Variants in ABHD18 observed in about 807,000 individuals in gnomAD.
ABHD18 encodes cardiolipin-specific deacylase, mitochondrial.
Under a neutral mutation model 65.9 loss-of-function variants are expected in ABHD18, and 55 were observed. That is an observed-to-expected ratio of 0.84 (90% CI 0.67 to 1.05). The LOEUF is 1.05. Among genes scored for constraint, ABHD18 ranks in the 50% least tolerant of loss-of-function variants. The pLI is 0.00. For synonymous variants in ABHD18, 181 were observed against 180.2 expected (o/e 1.00, Z -0.04); for missense variants, 533 against 558.5 (o/e 0.95, Z 0.46).
chr4:128,030,778 T>A, intron 12 of ABHD18, 106 bp downstream of exon 12: 4 of 1,451,850 alleles, frequency 2.8e-6, no homozygotes, highest in Non-Finnish European at 3.6e-6. Context: ...TCTGTTTCAA[T>A]CTTTGAATTC....
At chr4:128,011,483 T>TG (rs1033581767) in intron 6 of ABHD18, among the ~76,000 whole-genome samples, 190 bp from the exon 7 acceptor site, 3 of 151,378 alleles carry the variant, frequency 2.0e-5, no homozygotes, top group Admixed American at 6.6e-5. Context: ...AAGCTGGTTT[T>TG]TTTTTTTTTT....
intron 6 of ABHD18, among the ~76,000 whole-genome samples, chr4:128,011,181 C>T (rs2149137491): frequency 6.7e-6 from 1 of 149,136 alleles, no homozygotes; most frequent in South Asian, 2.1e-4. Flanking sequence ...CGGACTCTCG[C>T]TGTCGCCCCA....
At chr4:128,013,595 G>A (rs545481713) in intron 7 of ABHD18, among the ~76,000 whole-genome samples, 1 of 152,068 alleles carries the variant, frequency 6.6e-6, no homozygotes, top group African/African-American at 2.4e-5. Context: ...CTACTCAGGA[G>A]GCTGAGGCAG....
In ABHD18 at chr4:128,017,455, A is replaced by T; in HGVS notation, c.563A>T (p.Glu188Val). 1.2e-6 allele frequency: 2 copies of T among 1,613,484 alleles called. No individual in the cohort carries two copies. Among genetic ancestry groups the T allele is most frequent in the Non-Finnish European group, 1.7e-6 (2 of 1,179,614 alleles). Residue 188 changes from glutamate (E) to valine (V), a missense_variant, in exon 8 of 13, where the codon GAA becomes GTA. Coordinates refer to ENST00000645843, the MANE Select transcript of ABHD18 (RefSeq NM_001358451.3). ...GCTCTCTTGCACTGGCTAGAGAGGG[A>T]AGGTTACGGCCCTTTAGGAATGACT... ...SAALLHWLEREGYGPLGMTGI... is the reference protein window; with the variant it reads ...SAALLHWLERVGYGPLGMTGI...
At chr4:127,974,097 T>A (rs1018853776) in intron 1 of ABHD18, among the ~76,000 whole-genome samples, 1 of 151,832 alleles carries the variant, frequency 6.6e-6, no homozygotes, top group African/African-American at 2.4e-5. Flanking sequence ...TTCTTCAAAT[T>A]ATATTCTTTA....
intron 1 of ABHD18, among the ~76,000 whole-genome samples, chr4:127,981,951 A>G (rs950613330): frequency 3.9e-5 from 6 of 152,208 alleles, no homozygotes; most frequent in Non-Finnish European, 7.3e-5. Flanking sequence ...TGGTTTTGCT[A>G]GTCCAACCAT....
At chr4:127,995,178 C>T (rs1296145902) in intron 4 of ABHD18, among the ~76,000 whole-genome samples, 1 of 152,218 alleles carries the variant, frequency 6.6e-6, no homozygotes, top group Non-Finnish European at 1.5e-5. Flanking sequence ...CTTGGCCCGG[C>T]CAGGCACTCA....
In ABHD18 at chr4:128,037,596, C is replaced by A. The variant is rs917233154; in HGVS notation, c.*1783C>A. 2 of 152,082 alleles carry A rather than the reference C, an allele frequency of 1.3e-5. No individual in the cohort carries two copies. The highest frequency in any genetic ancestry group is 4.8e-5 in the African/African-American group (2 of 41,424). 9.4% of individuals were successfully genotyped at this position (152,082 alleles called of 1,614,324 possible). A position where few individuals can be genotyped will look rare whatever the true frequency, so the allele number is the denominator to read the frequency against. On this transcript the variant is annotated 3_prime_UTR_variant, in exon 13 of 13. Coordinates refer to ENST00000645843, the MANE Select transcript of ABHD18 (RefSeq NM_001358451.3). The stretch of plus-strand genomic sequence containing the variant: ...CAAGTGATATGCCTGCCTTGGCCTC[C>A]CAAAGTGCTGGGATTATAGGTTTGA...
At chr4:128,012,799 C>T (rs1397777398) in intron 7 of ABHD18, among the ~76,000 whole-genome samples, 1 of 151,998 alleles carries the variant, frequency 6.6e-6, no homozygotes, top group Non-Finnish European at 1.5e-5. Flanking sequence ...GCTGCAGTGG[C>T]TCACACATGT....
chr4:127,999,027 A>G (rs1752236418), intron 4 of ABHD18, among the ~76,000 whole-genome samples: 1 of 151,844 alleles, frequency 6.6e-6, no homozygotes, highest in African/African-American at 2.4e-5. Context: ...GAAGGAGTTC[A>G]TTATTATACG....
chr4:127,997,087 A>AC lies in ABHD18; in HGVS notation c.278+7266_278+7267insC, dbSNP rs1374503519. 7.2e-5 allele frequency among the ~76,000 whole-genome samples: 11 copies of AC among 152,386 alleles called. No individual in the cohort carries two copies. The East Asian group carries it at 2.1e-3, about 29-fold the overall frequency. On this transcript the variant is annotated intron_variant, in intron 4 of 12. Transcript: ENST00000645843. The stretch of plus-strand genomic sequence containing the variant: ...GGCATAAGAAATTATAAGAGTATTG[A>AC]TTGGAGAAGTGATAAACGTCCATGA...
Position 128,021,047 on chromosome 4 carries a change from A to AAAAG in ABHD18, c.700-89_700-86dup, listed in dbSNP as rs1245215519. The AAAAG allele has an allele frequency of 2.2e-5, 17 of 768,494 alleles. No homozygotes were observed. In the Admixed American group the frequency reaches 4.8e-4, roughly 22 times the overall value. The allele number at this position is 768,494 out of a possible 1,614,324, so 47.6% of individuals were successfully genotyped here. A position where few individuals can be genotyped will look rare whatever the true frequency, so the allele number is the denominator to read the frequency against. On this transcript the variant is annotated intron_variant, in intron 9 of 12. Coordinates refer to ENST00000645843, the MANE Select transcript of ABHD18 (RefSeq NM_001358451.3). ...AGACTTCGTCTGCAAAAAAAAAAAAAAAAGGTAGTCTCACACAGTAATAAT... is the reference window on the plus strand; with the variant it reads ...AGACTTCGTCTGCAAAAAAAAAAAAAAAAGAAAGGTAGTCTCACACAGTAATAAT...
At chr4:128,026,813 T>G (rs975057402) in intron 10 of ABHD18, among the ~76,000 whole-genome samples, 3 of 149,650 alleles carry the variant, frequency 2.0e-5, no homozygotes, top group African/African-American at 7.4e-5. Context: ...TGAGACGGAG[T>G]CTTGCTCTGT....
chr4:128,018,735 T>C (rs1755944661), intron 8 of ABHD18, among the ~76,000 whole-genome samples: 2 of 152,022 alleles, frequency 1.3e-5, no homozygotes, highest in Non-Finnish European at 2.9e-5. Flanking sequence ...AAAACTATGC[T>C]GGGCACGGTG....
intron 3 of ABHD18, among the ~76,000 whole-genome samples, chr4:127,984,877 A>G (rs1173276106): frequency 1.3e-5 from 2 of 152,198 alleles, no homozygotes; most frequent in Non-Finnish European, 2.9e-5. Flanking sequence ...AAATAAATAA[A>G]TAAATAATAC....
In ABHD18 at chr4:128,013,064, CAA is replaced by C. The variant is rs1199459823; in HGVS notation, c.470+1385_470+1386del. 8.9e-3 allele frequency among the ~76,000 whole-genome samples: 538 copies of C among 60,452 alleles called. 6 individuals carry two copies. Among genetic ancestry groups the C allele is most frequent in the African/African-American group, 0.033 (515 of 15,734 alleles). 39.7% of individuals were successfully genotyped at this position (60,452 alleles called of 152,430 possible). On this transcript the variant is annotated intron_variant, in intron 7 of 12. Coordinates refer to ENST00000645843, the MANE Select transcript of ABHD18 (RefSeq NM_001358451.3). ...TAGACGACAGAGCAAGACTCCATCC[CAA>C]AAAAAAAAAAAAAAAAAAAAGACAA...
At chr4:127,982,115 G>C (rs1749161150) in intron 1 of ABHD18, among the ~76,000 whole-genome samples, 1 of 152,136 alleles carries the variant, frequency 6.6e-6, no homozygotes, top group African/African-American at 2.4e-5. Context: ...TGAAGCAATG[G>C]ATAAGTATTT....
Position 127,989,730 on chromosome 4 carries a change from C to A in ABHD18, c.187C>A (p.Gln63Lys). 1 of 1,579,726 alleles carries A rather than the reference C, an allele frequency of 6.3e-7. No homozygotes were observed. Among genetic ancestry groups the A allele is most frequent in the East Asian group, 2.3e-5 (1 of 44,226 alleles). Residue 63 changes from glutamine (Q) to lysine (K), a missense_variant, in exon 4 of 13, where the codon CAA becomes AAA. Physicochemically the swap from Gln to Lys is moderately conservative, Grantham distance 53. Around this residue, in one of 3 missense-constraint regions of ABHD18, gnomAD observed 309 missense variants for 313.5 expected, o/e 0.99. Coordinates refer to ENST00000645843, the MANE Select transcript of ABHD18 (RefSeq NM_001358451.3). ...TTTGATTTTCTTTTAGATTGAAGAG[C>A]AATCAGATTGTAAGATCTTAGATGG... is the stretch of plus-strand genomic sequence containing the variant. The part of the protein sequence containing the change: ...YPVHIDKIEE[Q>K]SDCKILDGHF...
intron 3 of ABHD18, among the ~76,000 whole-genome samples, chr4:127,987,972 T>C (rs1750272504): frequency 6.6e-6 from 1 of 151,778 alleles, no homozygotes; most frequent in African/African-American, 2.4e-5. Flanking sequence ...TAAGGAAGAG[T>C]AGTAAACAAA....
Sources: allele counts gnomAD v4.1 joint callset (sites outside exome capture counted in the v4.1 genomes callset), GRCh38; gene constraint gnomAD v4.1.1; regional missense constraint gnomAD v4.1.1; transcripts MANE v1.5; gene names NCBI Gene and HGNC (gene_info 2026-07-23, HGNC 2026-07-21).